ZBTB16: variants seen among roughly 807,000 people sequenced by gnomAD.
The protein encoded by ZBTB16 is zinc finger and BTB domain-containing protein 16.
Under a neutral mutation model 56.8 loss-of-function variants are expected in ZBTB16, and 8 were observed. The observed-to-expected ratio is 0.14, with a 90% CI of 0.08 to 0.25. The LOEUF (loss-of-function observed/expected upper bound fraction) is 0.25. ZBTB16 is among the 10% of genes least tolerant of loss of function. The probability of loss-of-function intolerance (pLI) is 1.00; values close to 1 mark genes in which losing one functional copy is unlikely to be tolerated. For synonymous variants in ZBTB16, 363 were observed against 368.5 expected, an observed-to-expected ratio of 0.98 and a Z score of 0.17; for missense variants, 625 against 903.0, an observed-to-expected ratio of 0.69 and a Z score of 3.95.
intron 2 of ZBTB16, among the ~76,000 whole-genome samples, chr11:114,074,119 T>C (rs2137679322): frequency 6.6e-6 from 1 of 152,350 alleles, no homozygotes; most frequent in Non-Finnish European, 1.5e-5. Flanking sequence ...TGAGATCACT[T>C]GTAACCTAAA....
At chr11:114,247,851 T>C (rs896929741) in intron 6 of ZBTB16, among the ~76,000 whole-genome samples, 3 of 152,182 alleles carry the variant, frequency 2.0e-5, no homozygotes, top group African/African-American at 7.2e-5. Flanking sequence ...AGCAGATATA[T>C]TTAATAATCC....
At chr11:114,136,734 C>T (rs1057087350) in intron 2 of ZBTB16, among the ~76,000 whole-genome samples, 7 of 151,934 alleles carry the variant, frequency 4.6e-5, no homozygotes, top group African/African-American at 1.5e-4. Flanking sequence ...TTTTACTCTT[C>T]GTCACAGAAC....
At position 114,244,708 on chromosome 11, in the gene ZBTB16, A is replaced by G. The variant is rs145786365; in HGVS notation, c.1624+2371A>G. 2.4e-3 allele frequency among the ~76,000 whole-genome samples: 361 copies of G among 151,822 alleles called. 1 individual carries two copies. Among genetic ancestry groups the G allele is most frequent in the African/African-American group, 7.6e-3 (316 of 41,394 alleles). ...CCCTGGGCAGACTCAAGAATTTCCTATTTAAACTCATTTAACATGTGCTCC... is the reference window on the plus strand; with the variant it reads ...CCCTGGGCAGACTCAAGAATTTCCTGTTTAAACTCATTTAACATGTGCTCC... On this transcript the variant is annotated intron_variant, in intron 5 of 6. Coordinates refer to ENST00000335953, the MANE Select transcript of ZBTB16 (RefSeq NM_006006.6).
At chr11:114,162,199 A>G (rs1942607824) in intron 3 of ZBTB16, among the ~76,000 whole-genome samples, 1 of 152,226 alleles carries the variant, frequency 6.6e-6, no homozygotes, top group Non-Finnish European at 1.5e-5. Context: ...AGTCCTTCAG[A>G]TTGGATCTCT....
At chr11:114,148,336 G>GCTTCCTT (rs1942165916) in intron 2 of ZBTB16, among the ~76,000 whole-genome samples, 1 of 52,564 alleles carries the variant, frequency 1.9e-5, no homozygotes, top group East Asian at 4.1e-4. Context: ...TGGCTGGCTG[G>GCTTCCTT]CTTCCTTCCT....
intron 3 of ZBTB16, among the ~76,000 whole-genome samples, chr11:114,181,947 G>T (rs1366713180): frequency 6.6e-6 from 1 of 152,158 alleles, no homozygotes; most frequent in Admixed American, 6.5e-5. Context: ...TGGTGGCCTT[G>T]CTCTATGCAG....
intron 1 of ZBTB16, chr11:114,061,645 A>C (rs1423762083): frequency 6.6e-6 from 1 of 152,268 alleles, no homozygotes; most frequent in Non-Finnish European, 1.5e-5. Context: ...TGGTCGCTGT[A>C]AGACAGACAC....
intron 3 of ZBTB16, among the ~76,000 whole-genome samples, chr11:114,160,834 A>G (rs1942569119): frequency 6.6e-6 from 1 of 152,156 alleles, no homozygotes; most frequent in South Asian, 2.1e-4. Context: ...CTGCATTCTC[A>G]GAGGTGGTTT....
intron 2 of ZBTB16, among the ~76,000 whole-genome samples, chr11:114,091,222 C>G (rs1248792894): frequency 1.3e-5 from 2 of 152,122 alleles, no homozygotes; most frequent in African/African-American, 4.8e-5. Flanking sequence ...GTGGCATGCA[C>G]CTATAGTCCC....
chr11:114,247,153 G>T, intron 5 of ZBTB16, 45 bp from the exon 6 acceptor site: 1 of 1,614,026 alleles, frequency 6.2e-7, no homozygotes, highest in South Asian at 1.1e-5. Context: ...CCTGAAGAGG[G>T]GGCAGGGAGA....
At chr11:114,156,601 C>T (rs983301434) in intron 3 of ZBTB16, among the ~76,000 whole-genome samples, 167 bp downstream of exon 3, 7 of 152,146 alleles carry the variant, frequency 4.6e-5, no homozygotes, top group Non-Finnish European at 7.4e-5. Context: ...ACAGAAGATC[C>T]ATCCTGATGG....
At chr11:114,107,356 G>C (rs976019687) in intron 2 of ZBTB16, among the ~76,000 whole-genome samples, 1 of 152,128 alleles carries the variant, frequency 6.6e-6, no homozygotes, top group African/African-American at 2.4e-5. Flanking sequence ...TTCGCATTTA[G>C]ATCTAACTTC....
intron 3 of ZBTB16, chr11:114,180,977 T>G (rs1943234158): frequency 6.6e-6 from 1 of 152,250 alleles, no homozygotes; most frequent in Non-Finnish European, 1.5e-5. Context: ...ACATATTGGT[T>G]CGATGGCAGA....
In ZBTB16 at chr11:114,059,818, C is replaced by T. The variant is rs117941637; in HGVS notation, c.-155C>T. Reference sequence around the variant, plus strand: ...AACAGTTCCCCAGCAACACCCCTCCCCGACACAGGCACACACCCCCCGACA... The same window carrying T: ...AACAGTTCCCCAGCAACACCCCTCCTCGACACAGGCACACACCCCCCGACA... On this transcript the variant is annotated 5_prime_UTR_variant, in exon 1 of 7. Coordinates refer to ENST00000335953, the MANE Select transcript of ZBTB16 (RefSeq NM_006006.6). The surrounding 1 kb of genome is among the most constrained non-coding windows in gnomAD (Gnocchi z 5.3). 3.8e-3 allele frequency: 1,502 copies of T among 398,268 alleles called. 45 individuals carry two copies. The East Asian group carries it at 0.052, about 14-fold the overall frequency. 24.7% of individuals were successfully genotyped at this position (398,268 alleles called of 1,614,324 possible).
chr11:114,062,774 G>A (rs1938934273), intron 1 of ZBTB16, among the ~76,000 whole-genome samples: 1 of 152,234 alleles, frequency 6.6e-6, no homozygotes, highest in African/African-American at 2.4e-5. Flanking sequence ...GATAAGGCTT[G>A]ACATCCAGGG....
At chr11:114,066,128 C>T (rs1939105976) in intron 2 of ZBTB16, among the ~76,000 whole-genome samples, 2 of 152,162 alleles carry the variant, frequency 1.3e-5, no homozygotes, top group Non-Finnish European at 2.9e-5. Context: ...TCCACTTCCT[C>T]CCCCTTCACC....
chr11:114,092,667 G>T (rs1033060630), intron 2 of ZBTB16, among the ~76,000 whole-genome samples: 1 of 152,084 alleles, frequency 6.6e-6, no homozygotes, highest in Non-Finnish European at 1.5e-5. Flanking sequence ...CTTAGTTTGT[G>T]CATCTCTAAA....
intron 2 of ZBTB16, among the ~76,000 whole-genome samples, chr11:114,100,574 G>A (rs913538594): frequency 1.3e-5 from 2 of 152,124 alleles, no homozygotes; most frequent in African/African-American, 4.8e-5. Flanking sequence ...AACTAAGACC[G>A]ATTTGAGCAA....
intron 3 of ZBTB16, among the ~76,000 whole-genome samples, chr11:114,178,499 A>G (rs61904662): frequency 0.09 from 13,669 of 152,186 alleles, 844 homozygotes; most frequent in Middle Eastern, 0.16. Context: ...CGTGCTCTTC[A>G]CTACCTTACT....
Sources: gnomAD v4.1 joint callset for allele counts (sites outside exome capture counted in the v4.1 genomes callset) on GRCh38, gnomAD v4.1.1 for gene constraint, Gnocchi (gnomAD v3.1) non-coding constraint, MANE v1.5 for transcripts, NCBI Gene and HGNC (gene_info 2026-07-23, HGNC 2026-07-21) for gene names.